Variants in ARHGAP29 observed in about 807,000 individuals in gnomAD.
The protein encoded by ARHGAP29 is rho GTPase-activating protein 29.
A neutral mutation model predicts 122.6 loss-of-function variants in ARHGAP29; 43 were observed. That is an observed-to-expected ratio of 0.35 (90% CI 0.27 to 0.45). The LOEUF is 0.45. Among genes scored for constraint, ARHGAP29 ranks in the 20% least tolerant of loss-of-function variants. The pLI is 1.00. For missense variants in ARHGAP29, 1,303 were observed against 1,477.2 expected (o/e 0.88, Z 1.93); for synonymous variants, 506 against 497.1 (o/e 1.02, Z -0.24).
chr1:94,225,899 A>C (rs1282482712), intron 2 of ARHGAP29, among the ~76,000 whole-genome samples: 1 of 151,986 alleles, frequency 6.6e-6, no homozygotes, highest in Non-Finnish European at 1.5e-5. Flanking sequence ...GTAATACAGT[A>C]ATCTGAATTT....
intron 1 of ARHGAP29, among the ~76,000 whole-genome samples, chr1:94,264,795 C>A (rs1016252006): frequency 1.3e-5 from 2 of 152,150 alleles, no homozygotes; most frequent in Non-Finnish European, 2.9e-5. Context: ...ATGCTGATCT[C>A]CTGTATTAGT....
Position 94,201,835 on chromosome 1 carries a change from T to G in ARHGAP29, c.1166A>C (p.Tyr389Ser). Residue 389 changes from tyrosine (Y) to serine (S), a missense_variant, in exon 12 of 23, where the codon TAC (tyrosine) becomes TCC (serine). Physicochemically the swap from Tyr to Ser is moderately radical, Grantham distance 144. This residue lies in a region of ARHGAP29 where 592 missense variants were observed against 648.2 expected (regional missense o/e 0.91). Coordinates refer to ENST00000260526, the MANE Select transcript of ARHGAP29 (RefSeq NM_004815.4). Reference protein sequence around the residue: ...LQKVEEANELYKVCVTNVEER... With the variant: ...LQKVEEANELSKVCVTNVEER... ...TTCAACATTTGTCACACAAACTTTGTAAAGTTCATTTGCTTCTTCTACCTT... is the reference window on the plus strand; with the variant it reads ...TTCAACATTTGTCACACAAACTTTGGAAAGTTCATTTGCTTCTTCTACCTT... The G allele has an allele frequency of 6.2e-7, 1 of 1,610,572 alleles. No individual in the cohort carries two copies. Among genetic ancestry groups the G allele is most frequent in the Non-Finnish European group, 8.5e-7 (1 of 1,178,568 alleles).
At chr1:94,260,690 T>C (rs1267077212) in intron 1 of ARHGAP29, among the ~76,000 whole-genome samples, 1 of 152,004 alleles carries the variant, frequency 6.6e-6, no homozygotes, top group Admixed American at 6.6e-5. Context: ...AAAGAAACCA[T>C]GTGATAGCAG....
chr1:94,189,087 G>A, intron 14 of ARHGAP29, 129 bp downstream of exon 14: 1 of 1,366,388 alleles, frequency 7.3e-7, no homozygotes, highest in Non-Finnish European at 1.0e-6. Flanking sequence ...TAACAACTGT[G>A]AATAAGATCT....
chr1:94,225,857 T>C (rs955449404), intron 2 of ARHGAP29, among the ~76,000 whole-genome samples: 3 of 152,032 alleles, frequency 2.0e-5, no homozygotes, highest in Non-Finnish European at 4.4e-5. Flanking sequence ...AACTCCTGTA[T>C]CCCAATGTTT....
the ARHGAP29 span, among the ~76,000 whole-genome samples, chr1:94,284,272 A>C: frequency 6.6e-6 from 1 of 152,262 alleles, no homozygotes; most frequent in Non-Finnish European, 1.5e-5. Context: ...AATAGAATTT[A>C]AATTGAAATA....
chr1:94,212,675 C>T (rs1252092476), intron 3 of ARHGAP29, among the ~76,000 whole-genome samples: 1 of 152,106 alleles, frequency 6.6e-6, no homozygotes, highest in Non-Finnish European at 1.5e-5. Context: ...TGAACCAATT[C>T]AACATTTGAA....
the ARHGAP29 span, among the ~76,000 whole-genome samples, chr1:94,311,846 C>A: frequency 6.6e-6 from 1 of 152,224 alleles, no homozygotes; most frequent in Non-Finnish European, 1.5e-5. Flanking sequence ...GTCTGCCCTC[C>A]TATTAACAAT....
intron 12 of ARHGAP29, chr1:94,190,297 C>T (rs1480920247): frequency 2.3e-6 from 1 of 439,130 alleles, no homozygotes; most frequent in African/African-American, 2.0e-5. Flanking sequence ...CAATCATTTC[C>T]AGCAAAACTG....
intron 1 of ARHGAP29, among the ~76,000 whole-genome samples, chr1:94,270,407 T>C (rs1011555264): frequency 2.6e-5 from 4 of 152,214 alleles, no homozygotes; most frequent in Non-Finnish European, 5.9e-5. Flanking sequence ...CTGGCAGACA[T>C]GGAATGTGTG....
intron 1 of ARHGAP29, among the ~76,000 whole-genome samples, chr1:94,273,931 A>G (rs929045970): frequency 6.6e-6 from 1 of 152,200 alleles, no homozygotes; most frequent in African/African-American, 2.4e-5. Flanking sequence ...GAATGTAGGC[A>G]AATGTTTTAA....
chr1:94,299,594 A>G, the ARHGAP29 span, among the ~76,000 whole-genome samples: 6 of 152,126 alleles, frequency 3.9e-5, no homozygotes, highest in Non-Finnish European at 8.8e-5. Context: ...GTGGGGGGGA[A>G]CAGAAATCTA....
At chr1:94,257,971 T>A (rs879832792) in intron 1 of ARHGAP29, among the ~76,000 whole-genome samples, 40 of 152,144 alleles carry the variant, frequency 2.6e-4, no homozygotes, top group Non-Finnish European at 1.0e-4. Context: ...AGAAGGAAGA[T>A]GATGATAGAA....
upstream of ARHGAP29, among the ~76,000 whole-genome samples, chr1:94,239,686 AC>A (rs3842688): frequency 0.87 from 132,459 of 151,860 alleles, 58,093 homozygotes; most frequent in Non-Finnish European, 0.92. Context: ...GGTGATAGAG[AC>A]TACCCACCGA....
At chr1:94,265,327 C>T (rs1654718163) in intron 1 of ARHGAP29, among the ~76,000 whole-genome samples, 1 of 152,250 alleles carries the variant, frequency 6.6e-6, no homozygotes, top group Non-Finnish European at 1.5e-5. Context: ...CCCTGGCAGG[C>T]ATGACCTCGC....
At chr1:94,234,007 C>G (rs887969218) in intron 1 of ARHGAP29, among the ~76,000 whole-genome samples, 2 of 152,174 alleles carry the variant, frequency 1.3e-5, no homozygotes, top group Non-Finnish European at 2.9e-5. Context: ...GATCTCAGCT[C>G]AAAGCTTACC....
the ARHGAP29 span, among the ~76,000 whole-genome samples, chr1:94,295,158 A>G: frequency 2.0e-5 from 3 of 152,226 alleles, no homozygotes; most frequent in Non-Finnish European, 4.4e-5. Flanking sequence ...TGGAAATCTT[A>G]AAAGAACAGT....
chr1:94,227,675 A>T (rs2101604564), intron 2 of ARHGAP29, among the ~76,000 whole-genome samples: 1 of 151,850 alleles, frequency 6.6e-6, no homozygotes, highest in African/African-American at 2.4e-5. Context: ...CCACATGAAA[A>T]TGGGGAGGTA....
chr1:94,209,384 C>CAT, intron 3 of ARHGAP29, 34 bp from the exon 4 acceptor site: 1 of 1,368,912 alleles, frequency 7.3e-7, no homozygotes, highest in Non-Finnish European at 1.0e-6. Context: ...TAAGGAAAAA[C>CAT]ATACTTTAAA....
Sources: gnomAD v4.1 joint callset for allele counts (sites outside exome capture counted in the v4.1 genomes callset) on GRCh38, gnomAD v4.1.1 for gene constraint, gnomAD v4.1.1 regional missense constraint, MANE v1.5 for transcripts, NCBI Gene and HGNC (gene_info 2026-07-23, HGNC 2026-07-21) for gene names.